The following YIPF6 variants were observed in gnomAD, a reference collection of about 807,000 sequenced individuals.
The protein encoded by YIPF6 is protein YIPF6.
Under a neutral mutation model 16.8 loss-of-function variants are expected in YIPF6, and 3 were observed. The observed-to-expected ratio is 0.18, with a 90% CI of 0.08 to 0.46. The LOEUF (loss-of-function observed/expected upper bound fraction) is 0.46, where lower values mean the gene tolerates loss of function less well. Among genes scored for constraint, YIPF6 ranks in the 20% least tolerant of loss-of-function variants. The pLI is 0.98. For synonymous variants in YIPF6, 67 were observed against 61.9 expected (o/e 1.08, Z -0.38); for missense variants, 145 against 184.9 (o/e 0.78, Z 1.25).
At chrX:68,519,522 A>G (rs1299104051) in intron 4 of YIPF6, among the ~76,000 whole-genome samples, 1 of 109,850 alleles carries the variant, frequency 9.1e-6, no homozygotes, top group Non-Finnish European at 1.9e-5. Context: ...TTTGACAAAC[A>G]AGCTCAGGTT....
rs1312071057 is a variant in YIPF6 at position 68,533,849 on chromosome X, CTCTT to C, written c.*1854_*1857del. 1.8e-5 allele frequency: 2 copies of C among 112,226 alleles called. No individual in the cohort carries two copies. The allele number at this position is 112,226 out of a possible 1,213,427, so 9.2% of individuals were successfully genotyped here. On this transcript the variant is annotated 3_prime_UTR_variant, in exon 7 of 7. Transcript: ENST00000462683. ...AATTCTCTTACTTCCTGCTAAAACT[CTCTT>C]TCTGCCAAAGTTGTTTCGTAATCTG... is the stretch of plus-strand genomic sequence containing the variant.
chrX:68,523,045 T>A (rs748830578), intron 6 of YIPF6, 128 bp downstream of exon 6: 2 of 790,569 alleles, frequency 2.5e-6, no homozygotes, highest in South Asian at 5.6e-5. Flanking sequence ...GTATTATCCA[T>A]AGAACCCTCT....
At position 68,531,992 on chromosome X, in the gene YIPF6, CTCAG is replaced by C. The variant is rs748827454; in HGVS notation, c.706_709del (p.Gln236LysfsTer7). On this transcript the variant is annotated frameshift_variant, in exon 7 of 7. Coordinates refer to ENST00000462683, the MANE Select transcript of YIPF6 (RefSeq NM_173834.4). LOFTEE classifies it high-confidence loss of function. ...AGTTGGATGATTCTCACCTTTACTC[CTCAG>C]TAAATCAGGAATGGGAAATTAAAAA... is the stretch of plus-strand genomic sequence containing the variant. 2 of 1,174,291 alleles carry C rather than the reference CTCAG, an allele frequency of 1.7e-6. No individual in the cohort carries two copies. The highest frequency in any genetic ancestry group is 2.3e-6 in the Non-Finnish European group (2 of 865,802).
At chrX:68,524,851 T>C (rs1358347555) in intron 6 of YIPF6, among the ~76,000 whole-genome samples, 7 of 111,843 alleles carry the variant, frequency 6.3e-5, no homozygotes, top group Non-Finnish European at 1.1e-4. Flanking sequence ...CTCAACCTTT[T>C]ACGTGGCTGC....
At chrX:68,526,314 T>C (rs1353450510) in intron 6 of YIPF6, among the ~76,000 whole-genome samples, 1 of 108,112 alleles carries the variant, frequency 9.2e-6, no homozygotes, top group African/African-American at 3.6e-5. Flanking sequence ...AGGCTTGTGA[T>C]TTTTGCACAT....
rs2079177215 is a variant in YIPF6 at position 68,532,792 on chromosome X, C to T, written c.*793C>T. On this transcript the variant is annotated 3_prime_UTR_variant, in exon 7 of 7. Transcript: ENST00000462683. Reference sequence around the variant, plus strand: ...ATTTTCCTTTGAAATTCTGAATATTCCAGTGCTGGAACTTATCCAAAAAGA... The same window carrying T: ...ATTTTCCTTTGAAATTCTGAATATTTCAGTGCTGGAACTTATCCAAAAAGA... 1 of 111,727 alleles carries T rather than the reference C, an allele frequency of 9.0e-6. No individual in the cohort carries two copies. The highest frequency in any genetic ancestry group is 1.9e-5 in the Non-Finnish European group (1 of 53,157). The allele number at this position is 111,727 out of a possible 1,213,427, so 9.2% of individuals were successfully genotyped here.
chrX:68,536,053 A>G lies in YIPF6; in HGVS notation c.*4054A>G, dbSNP rs2079190276. 8.9e-6 allele frequency: 1 copy of G among 112,091 alleles called. No individual in the cohort carries two copies. Among genetic ancestry groups the G allele is most frequent in the Admixed American group, 9.5e-5 (1 of 10,506 alleles). The allele number at this position is 112,091 out of a possible 1,213,427, so 9.2% of individuals were successfully genotyped here. On this transcript the variant is annotated 3_prime_UTR_variant, in exon 7 of 7. Coordinates refer to ENST00000462683, the MANE Select transcript of YIPF6 (RefSeq NM_173834.4). ...GATCCACCTGCTTTGGCCTCCCAAA[A>G]CAGTGGGATTGCAGGCGTGAGCCAC...
chrX:68,515,271 A>G (rs969084230), intron 3 of YIPF6: 13 of 105,626 alleles, frequency 1.2e-4, no homozygotes, highest in African/African-American at 4.5e-4. Flanking sequence ...GCTTGCAGTG[A>G]GCCGGGATAG....
intron 3 of YIPF6, chrX:68,515,083 T>G (rs777453628): frequency 9.1e-6 from 1 of 110,327 alleles, no homozygotes; most frequent in Non-Finnish European, 1.9e-5. Flanking sequence ...TCCCAGCACT[T>G]TGGGAGGCCG....
intron 5 of YIPF6, among the ~76,000 whole-genome samples, chrX:68,521,736 T>A (rs1396882375): frequency 9.2e-6 from 1 of 108,733 alleles, no homozygotes; most frequent in African/African-American, 3.4e-5. Flanking sequence ...TACAGGCATG[T>A]GCTACTATGC....
At chrX:68,509,105 TTTG>T (rs2079070601) in intron 1 of YIPF6, among the ~76,000 whole-genome samples, 1 of 109,006 alleles carries the variant, frequency 9.2e-6, no homozygotes, top group Non-Finnish European at 1.9e-5. Flanking sequence ...TGTTTTGTTT[TTTG>T]TTGTTGTTTT....
rs142391064 is a variant in YIPF6, at chrX:68,521,354, G to T, written c.309-18G>T. ...AAGTAAAAGATTAAGCAATTCTTAC[G>T]CTGTTTCCTTTTCTCAGAATGCTGC... On this transcript the variant is annotated intron_variant, in intron 4 of 6. Coordinates refer to ENST00000462683, the MANE Select transcript of YIPF6 (RefSeq NM_173834.4). 7.5e-6 allele frequency: 9 copies of T among 1,201,998 alleles called. No individual in the cohort carries two copies. Among genetic ancestry groups the T allele is most frequent in the African/African-American group, 1.8e-5 (1 of 56,685 alleles).
chrX:68,530,784 C>T (rs769463796), intron 6 of YIPF6, among the ~76,000 whole-genome samples: 1 of 111,197 alleles, frequency 9.0e-6, no homozygotes, highest in Non-Finnish European at 1.9e-5. Flanking sequence ...GCTCACCCCC[C>T]GTGGGCTGCA....
chrX:68,499,601 C>G (rs930963794), intron 1 of YIPF6, among the ~76,000 whole-genome samples: 2 of 111,492 alleles, frequency 1.8e-5, no homozygotes, highest in African/African-American at 3.3e-5. Context: ...CAGCTCCTTG[C>G]CATTCTCTTC....
chrX:68,534,393 C>A lies in YIPF6; in HGVS notation c.*2394C>A. On this transcript the variant is annotated 3_prime_UTR_variant, in exon 7 of 7. Transcript: ENST00000462683. ...GCCTATACATGATGTTAACATCATT[C>A]TCGAACAGTTGTTGGCCGAAGATTC... is the stretch of plus-strand genomic sequence containing the variant. 1 of 113,249 alleles carries A rather than the reference C, an allele frequency of 8.8e-6. No homozygotes were observed. Among genetic ancestry groups the A allele is most frequent in the South Asian group, 3.5e-4 (1 of 2,849 alleles). The allele number at this position is 113,249 out of a possible 1,213,427, so 9.3% of individuals were successfully genotyped here. A position where few individuals can be genotyped will look rare whatever the true frequency, so the allele number is the denominator to read the frequency against.
At chrX:68,509,340 A>C (rs1233762615) in intron 1 of YIPF6, among the ~76,000 whole-genome samples, 1 of 110,448 alleles carries the variant, frequency 9.1e-6, no homozygotes, top group Non-Finnish European at 1.9e-5. Flanking sequence ...GACTAGTCTC[A>C]AACTCCTAGC....
intron 2 of YIPF6, 118 bp from the exon 3 acceptor site, chrX:68,513,209 T>A (rs1360559252): frequency 2.0e-6 from 1 of 500,300 alleles, no homozygotes; most frequent in East Asian, 4.0e-5. Flanking sequence ...ACTGGAATTA[T>A]CTGCAAAATT....
intron 1 of YIPF6, among the ~76,000 whole-genome samples, chrX:68,505,141 G>C (rs970824095): frequency 7.1e-5 from 8 of 112,077 alleles, no homozygotes; most frequent in Non-Finnish European, 1.3e-4. Flanking sequence ...TGGGCATGGT[G>C]CCTCACGCCT....
chrX:68,512,064 C>T, intron 2 of YIPF6, 87 bp downstream of exon 2: 5 of 966,388 alleles, frequency 5.2e-6, no homozygotes, highest in Non-Finnish European at 6.9e-6. Context: ...ATTTGGTTCA[C>T]TGATTTTGAA....
Sources: gnomAD v4.1 joint callset for allele counts (sites outside exome capture counted in the v4.1 genomes callset) on GRCh38, gnomAD v4.1.1 for gene constraint, MANE v1.5 for transcripts, NCBI Gene and HGNC (gene_info 2026-07-23, HGNC 2026-07-21) for gene names.